Variants in TPST1 observed in about 807,000 individuals in gnomAD.
TPST1 encodes tyrosylprotein sulfotransferase 1.
In TPST1, 20 loss-of-function variants were observed where a neutral mutation model predicts 34.8. That is an observed-to-expected ratio of 0.57 (90% CI 0.40 to 0.84). TPST1 has a LOEUF of 0.84. Ranked by LOEUF, TPST1 falls within the 40% of genes least tolerant of loss-of-function variation. The pLI is 0.00. For missense variants in TPST1, 353 were observed against 455.5 expected, an observed-to-expected ratio of 0.78 and a Z score of 2.05; for synonymous variants, 152 against 159.4, an observed-to-expected ratio of 0.95 and a Z score of 0.35.
rs185908802 is a variant in TPST1 at position 66,246,724 on chromosome 7, G to A, written c.845+5454G>A. 1.2e-4 allele frequency among the ~76,000 whole-genome samples: 18 copies of A among 152,298 alleles called. No individual in the cohort carries two copies. In the East Asian group the frequency reaches 3.5e-3, roughly 29 times the overall value. ...CAGCTTTGCAGTCATCTGGCATTTA[G>A]GCTGCTTCCAGCTTTTGTCTCCATC... On this transcript the variant is annotated intron_variant, in intron 2 of 5. Coordinates refer to ENST00000304842, the MANE Select transcript of TPST1 (RefSeq NM_003596.4).
intron 1 of TPST1, 63 bp from the exon 2 acceptor site, chr7:66,240,262 C>G: frequency 1.2e-6 from 1 of 828,364 alleles, no homozygotes; most frequent in Non-Finnish European, 1.8e-6. Flanking sequence ...GTGGTGATAA[C>G]TGGTGACTGA....
chr7:66,306,318 C>T (rs1791422728), intron 3 of TPST1, among the ~76,000 whole-genome samples: 1 of 152,190 alleles, frequency 6.6e-6, no homozygotes, highest in African/African-American at 2.4e-5. Flanking sequence ...ATTCAGTTAT[C>T]AAAGCAAAGC....
At chr7:66,301,067 A>G (rs1316631038) in intron 3 of TPST1, among the ~76,000 whole-genome samples, 1 of 152,186 alleles carries the variant, frequency 6.6e-6, no homozygotes, top group Non-Finnish European at 1.5e-5. Flanking sequence ...GTATATCTCT[A>G]TCAGAACTCA....
chr7:66,321,698 A>G (rs1416558894), intron 3 of TPST1, among the ~76,000 whole-genome samples: 1 of 152,264 alleles, frequency 6.6e-6, no homozygotes, highest in Non-Finnish European at 1.5e-5. Flanking sequence ...TTACTCTCTA[A>G]CCAGCAGATG....
chr7:66,347,059 C>CTTTTT (rs71051352), intron 3 of TPST1, among the ~76,000 whole-genome samples: 892 of 59,964 alleles, frequency 0.015, 255 homozygotes, highest in African/African-American at 0.024. Context: ...CTTTGCTTTT[C>CTTTTT]TTTTTTTTTT....
intron 3 of TPST1, among the ~76,000 whole-genome samples, chr7:66,342,700 A>G (rs1644671687): frequency 6.6e-6 from 1 of 152,070 alleles, no homozygotes; most frequent in Non-Finnish European, 1.5e-5. Flanking sequence ...GCACATGGAG[A>G]GAGAGAGAGC....
intron 3 of TPST1, among the ~76,000 whole-genome samples, chr7:66,317,325 A>C (rs928883780): frequency 2.6e-5 from 4 of 152,168 alleles, no homozygotes; most frequent in African/African-American, 9.7e-5. Context: ...AGTCTTTTCA[A>C]GTAATACTTT....
At chr7:66,350,251 G>T (rs1369734129) in intron 3 of TPST1, among the ~76,000 whole-genome samples, 4 of 152,172 alleles carry the variant, frequency 2.6e-5, no homozygotes, top group Non-Finnish European at 5.9e-5. Flanking sequence ...CTGACCTCAG[G>T]TGATCTGCCC....
intron 2 of TPST1, among the ~76,000 whole-genome samples, chr7:66,263,542 G>C (rs1269473734): frequency 6.6e-6 from 1 of 152,146 alleles, no homozygotes; most frequent in Non-Finnish European, 1.5e-5. Context: ...GAACCATCTG[G>C]AACACTTAAA....
chr7:66,272,078 A>G (rs1562823672), intron 2 of TPST1, among the ~76,000 whole-genome samples: 1 of 152,180 alleles, frequency 6.6e-6, no homozygotes, highest in African/African-American at 2.4e-5. Context: ...TCCTGGATGT[A>G]AGATTCTTGG....
rs1016415403 is a variant in TPST1 at position 66,278,075 on chromosome 7, G to C, written c.846-8436G>C. ...AGATTGTGCCACTGCACTCCAGCCT[G>C]GGCAACAAGAATGTGACTCCATCTC... On this transcript the variant is annotated intron_variant, in intron 2 of 5. Coordinates refer to ENST00000304842, the MANE Select transcript of TPST1 (RefSeq NM_003596.4). 1.0e-3 allele frequency among the ~76,000 whole-genome samples: 112 copies of C among 108,234 alleles called. 2 individuals carry two copies. The highest frequency in any genetic ancestry group is 4.6e-4 in the Non-Finnish European group (26 of 56,098). The allele number at this position is 108,234 out of a possible 152,430, so 71.0% of individuals were successfully genotyped here.
intron 1 of TPST1, 57 bp from the exon 2 acceptor site, chr7:66,240,268 A>G (rs1790000721): frequency 2.3e-6 from 2 of 869,696 alleles, no homozygotes; most frequent in African/African-American, 3.4e-5. Flanking sequence ...ATAACTGGTG[A>G]CTGATTTGTA....
At chr7:66,219,841 GT>G (rs1437823589) in intron 1 of TPST1, among the ~76,000 whole-genome samples, 2 of 152,166 alleles carry the variant, frequency 1.3e-5, no homozygotes, top group African/African-American at 4.8e-5. Context: ...TATTAAGGAA[GT>G]TTTTTATTCC....
At chr7:66,343,076 G>A (rs1792272051) in intron 3 of TPST1, among the ~76,000 whole-genome samples, 1 of 152,014 alleles carries the variant, frequency 6.6e-6, no homozygotes, top group African/African-American at 2.4e-5. Flanking sequence ...AACTAATTAT[G>A]TGATTATAAG....
At chr7:66,327,019 T>C (rs530810535) in intron 3 of TPST1, among the ~76,000 whole-genome samples, 1 of 152,284 alleles carries the variant, frequency 6.6e-6, no homozygotes, top group Admixed American at 6.5e-5. Flanking sequence ...TATTTGTGTT[T>C]TAGAGATAAT....
At chr7:66,255,424 A>C (rs898427937) in intron 2 of TPST1, among the ~76,000 whole-genome samples, 1 of 152,238 alleles carries the variant, frequency 6.6e-6, no homozygotes, top group African/African-American at 2.4e-5. Flanking sequence ...ATTATTATGC[A>C]GAATTCCAAA....
rs142645304 is a variant in TPST1 at position 66,240,863 on chromosome 7, C to T, written c.438C>T (p.Ile146=). The T allele has an allele frequency of 2.1e-4, 338 of 1,614,158 alleles. No individual in the cohort carries two copies. In the African/African-American group the frequency reaches 3.8e-3, roughly 18 times the overall value. ...TGCAAGCCTTCTTACTAGAAATTAT[C>T]GTTAAGCATGGGGAGCCAGCCCCTT... ...SAMQAFLLEI[I]VKHGEPAPYL... is the part of the protein sequence containing the mutation. Residue 146 remains isoleucine, a synonymous_variant, in exon 2 of 6, where the codon ATC becomes ATT. Transcript: ENST00000304842.
intron 2 of TPST1, among the ~76,000 whole-genome samples, chr7:66,275,496 T>C (rs1239877893): frequency 6.6e-6 from 1 of 152,160 alleles, no homozygotes. Flanking sequence ...GATGAATGGA[T>C]AAAAAGAAAA....
At chr7:66,206,994 A>G (rs1244817271) in intron 1 of TPST1, among the ~76,000 whole-genome samples, 1 of 152,206 alleles carries the variant, frequency 6.6e-6, no homozygotes, top group Non-Finnish European at 1.5e-5. Flanking sequence ...AAAAAAGAGT[A>G]AAATACGTTT....
Sources: gnomAD v4.1 joint callset for allele counts (sites outside exome capture counted in the v4.1 genomes callset) on GRCh38, gnomAD v4.1.1 for gene constraint, MANE v1.5 for transcripts, NCBI Gene and HGNC (gene_info 2026-07-23, HGNC 2026-07-21) for gene names.